The following PCDHGA10 variants were observed in gnomAD, a reference collection of about 807,000 sequenced individuals.
The protein encoded by PCDHGA10 is protocadherin gamma subfamily A, 10.
PCDHGA10 carries 42 observed loss-of-function variants against 59.5 expected under a neutral mutation model. The ratio of observed to expected loss-of-function variants is 0.71; its 90% CI spans 0.55 to 0.91. PCDHGA10 has a LOEUF of 0.91. Among genes scored for constraint, PCDHGA10 ranks in the 40% least tolerant of loss-of-function variants. The pLI is 0.00. For missense variants in PCDHGA10, 1,111 were observed against 1,198.2 expected, an observed-to-expected ratio of 0.93 and a Z score of 1.07; for synonymous variants, 511 against 517.2, an observed-to-expected ratio of 0.99 and a Z score of 0.16.
At chr5:141,428,003 C>T in intron 1 of PCDHGA10, 1 of 1,601,362 alleles carries the variant, frequency 6.2e-7, no homozygotes, top group East Asian at 2.2e-5. Flanking sequence ...CCGCACTCTT[C>T]GATATAGTGC....
chr5:141,494,894 C>A, intron 2 of PCDHGA10, 29 bp downstream of exon 2: 1 of 1,614,116 alleles, frequency 6.2e-7, no homozygotes, highest in South Asian at 1.1e-5. Flanking sequence ...AGCCCACCCT[C>A]TTCTCTGCGG....
chr5:141,419,842 C>A, intron 1 of PCDHGA10: 1 of 1,614,074 alleles, frequency 6.2e-7, no homozygotes, highest in South Asian at 1.1e-5. Flanking sequence ...CCACGCTGCA[C>A]CTGGTGTTCG....
Position 141,413,729 on chromosome 5 carries a change from GAGTTC to G in PCDHGA10, c.557_561del (p.Val186GlufsTer36). The G allele has an allele frequency of 6.2e-7, 1 of 1,613,496 alleles. No individual in the cohort carries two copies. Among genetic ancestry groups the G allele is most frequent in the Non-Finnish European group, 8.5e-7 (1 of 1,179,890 alleles). ...AGCCCCAATAAGCACTTCTCCCTAA[GAGTTC>G]AGAGCCGTGCCAATGGCGTCAAGTA... On this transcript the variant is annotated frameshift_variant, in exon 1 of 4. Coordinates refer to ENST00000398610, the MANE Select transcript of PCDHGA10 (RefSeq NM_018913.3). LOFTEE classifies it high-confidence loss of function.
At position 141,419,726 on chromosome 5, in the gene PCDHGA10, A is replaced by AC. The variant is rs757890106; in HGVS notation, c.2436+4116dup. On this transcript the variant is annotated intron_variant, in intron 1 of 3. Coordinates refer to ENST00000398610, the MANE Select transcript of PCDHGA10 (RefSeq NM_018913.3). ...CGGGCTCTTCAGCCTGGGGCTGCGA[A>AC]CAGGCGAGGTGCGCATGGTGCGTGC... 3.1e-6 allele frequency: 5 copies of AC among 1,613,402 alleles called. No individual in the cohort carries two copies. The Admixed American group carries it at 8.3e-5, about 27-fold the overall frequency.
intron 1 of PCDHGA10, among the ~76,000 whole-genome samples, chr5:141,430,380 TG>T (rs1376875091): frequency 6.8e-6 from 1 of 147,890 alleles, no homozygotes; most frequent in Non-Finnish European, 1.5e-5. Flanking sequence ...AAAAGCTCAT[TG>T]GGAAAAAAAA....
Position 141,491,712 on chromosome 5 carries a change from G to C in PCDHGA10, c.2437-3095G>C. 3.1e-6 allele frequency: 5 copies of C among 1,609,408 alleles called. No individual in the cohort carries two copies. Among genetic ancestry groups the C allele is most frequent in the Middle Eastern group, 1.7e-4 (1 of 6,024 alleles). ...GGGAGCGGAGCCAGGTGAGGGGCTCGGCGCCGCCCCGGGCGACCCCTGGGG... is the reference window on the plus strand; with the variant it reads ...GGGAGCGGAGCCAGGTGAGGGGCTCCGCGCCGCCCCGGGCGACCCCTGGGG... On this transcript the variant is annotated intron_variant, in intron 1 of 3. Transcript: ENST00000398610. The surrounding 1 kb of genome is among the most constrained non-coding windows in gnomAD (Gnocchi z 6.9).
intron 2 of PCDHGA10, among the ~76,000 whole-genome samples, chr5:141,499,689 CTTTTTT>C (rs545067566): frequency 3.3e-5 from 4 of 119,854 alleles, no homozygotes; most frequent in Admixed American, 8.7e-5. Flanking sequence ...TAACAGATGA[CTTTTTT>C]TTTTTTTTTT....
At chr5:141,478,174 GA>G (rs1156842877) in intron 1 of PCDHGA10, 1 of 1,613,574 alleles carries the variant, frequency 6.2e-7, no homozygotes, top group East Asian at 2.2e-5. Context: ...CCCGGGAGCA[GA>G]AAAAAAATCT....
chr5:141,413,747 A>G lies in PCDHGA10; in HGVS notation c.572A>G (p.Asn191Ser), dbSNP rs1208637349. Residue 191 changes from asparagine to serine, a missense_variant, in exon 1 of 4, where the codon AAT becomes AGT. Physicochemically the swap from Asn to Ser is conservative, Grantham distance 46. Transcript: ENST00000398610. The part of the protein sequence containing the change: ...HFSLRVQSRA[N>S]GVKYPELVLE... ...TCCCTAAGAGTTCAGAGCCGTGCCA[A>G]TGGCGTCAAGTACCCGGAGCTGGTA... The G allele has an allele frequency of 4.3e-6, 7 of 1,613,230 alleles. No homozygotes were observed. Among genetic ancestry groups the G allele is most frequent in the African/African-American group, 4.0e-5 (3 of 74,898 alleles).
At position 141,487,736 on chromosome 5, in the gene PCDHGA10, G is replaced by C; in HGVS notation, c.2437-7071G>C. On this transcript the variant is annotated intron_variant, in intron 1 of 3. Transcript: ENST00000398610. The surrounding 1 kb of genome is among the most constrained non-coding windows in gnomAD (Gnocchi z 5.0). Reference sequence around the variant, plus strand: ...TGCCCATAGTGATGTCACCATTTTTGTAAGAGGTAACTATGTGGTAGACGC... The same window carrying C: ...TGCCCATAGTGATGTCACCATTTTTCTAAGAGGTAACTATGTGGTAGACGC... 1 of 1,563,758 alleles carries C rather than the reference G, an allele frequency of 6.4e-7. No homozygotes were observed.
intron 1 of PCDHGA10, among the ~76,000 whole-genome samples, chr5:141,463,095 G>C (rs1299676667): frequency 6.6e-6 from 1 of 152,098 alleles, no homozygotes; most frequent in African/African-American, 2.4e-5. Context: ...AGCCCTATGT[G>C]ACCATCAAGA....
intron 1 of PCDHGA10, among the ~76,000 whole-genome samples, chr5:141,466,036 G>C (rs981390655): frequency 1.3e-5 from 2 of 152,064 alleles, no homozygotes; most frequent in Non-Finnish European, 2.9e-5. Context: ...GCAGGAGAAC[G>C]GCATGAACCC....
rs370067669 is a variant in PCDHGA10 at position 141,419,410 on chromosome 5, G to A, written c.2436+3799G>A. ...CGCAGAGCGGGGTGGTGTTCGCGCA[G>A]CGCGCCTTCGACCACGAGCAGCTGC... On this transcript the variant is annotated intron_variant, in intron 1 of 3. Coordinates refer to ENST00000398610, the MANE Select transcript of PCDHGA10 (RefSeq NM_018913.3). 140 of 1,613,468 alleles carry A rather than the reference G, an allele frequency of 8.7e-5. No individual in the cohort carries two copies. In the African/African-American group the frequency reaches 1.8e-3, roughly 20 times the overall value.
chr5:141,500,571 C>T (rs1171231755), intron 2 of PCDHGA10, among the ~76,000 whole-genome samples: 1 of 152,196 alleles, frequency 6.6e-6, no homozygotes, highest in African/African-American at 2.4e-5. Context: ...GTCACACTTT[C>T]ATGTGACACT....
At position 141,432,436 on chromosome 5, in the gene PCDHGA10, G is replaced by C; in HGVS notation, c.2436+16825G>C. ...TCGTGCTGGACCAGAACGACAATGC[G>C]CCCGAGATCCTGTACCCCGCCCTCC... On this transcript the variant is annotated intron_variant, in intron 1 of 3. Transcript: ENST00000398610. This position sits in a 1 kb window ranked among gnomAD's most constrained non-coding sequence, Gnocchi z 6.0. 1 of 1,614,196 alleles carries C rather than the reference G, an allele frequency of 6.2e-7. No individual in the cohort carries two copies. Among genetic ancestry groups the C allele is most frequent in the Middle Eastern group, 1.6e-4 (1 of 6,062 alleles).
At chr5:141,494,455 G>A (rs906714175) in intron 1 of PCDHGA10, among the ~76,000 whole-genome samples, 2 of 152,156 alleles carry the variant, frequency 1.3e-5, no homozygotes, top group African/African-American at 4.8e-5. Flanking sequence ...AGGGGGCTTT[G>A]TCTGCACCTC....
intron 1 of PCDHGA10, among the ~76,000 whole-genome samples, chr5:141,420,581 C>T (rs1024544346): frequency 2.6e-5 from 4 of 151,994 alleles, no homozygotes; most frequent in Admixed American, 6.5e-5. Flanking sequence ...TAATTGAAAC[C>T]CTGATGCTAC....
chr5:141,423,138 C>A (rs767107885), intron 1 of PCDHGA10: 3 of 1,613,606 alleles, frequency 1.9e-6, no homozygotes, highest in Non-Finnish European at 2.5e-6. Context: ...TGGACAGAGA[C>A]GCGCTCAAGC....
intron 2 of PCDHGA10, among the ~76,000 whole-genome samples, chr5:141,503,638 T>C (rs1467962880): frequency 1.3e-5 from 2 of 151,908 alleles, no homozygotes; most frequent in Non-Finnish European, 2.9e-5. Flanking sequence ...AAATAATTAT[T>C]GAATCAATGG....
Sources: gnomAD v4.1 joint callset for allele counts (sites outside exome capture counted in the v4.1 genomes callset) on GRCh38, gnomAD v4.1.1 for gene constraint, Gnocchi (gnomAD v3.1) non-coding constraint, MANE v1.5 for transcripts, NCBI Gene and HGNC (gene_info 2026-07-23, HGNC 2026-07-21) for gene names.